Variants in TMEM131L observed in about 807,000 individuals in gnomAD.
The protein encoded by TMEM131L is transmembrane 131 like, also known as transmembrane protein 131-like.
Under a neutral mutation model 192.2 loss-of-function variants are expected in TMEM131L, and 54 were observed. The ratio of observed to expected loss-of-function variants is 0.28; its 90% CI spans 0.23 to 0.35. The LOEUF (loss-of-function observed/expected upper bound fraction) is 0.35. Among genes scored for constraint, TMEM131L ranks in the 10% least tolerant of loss-of-function variants. The probability of loss-of-function intolerance (pLI) is 1.00; values close to 1 mark genes in which losing one functional copy is unlikely to be tolerated. For synonymous variants in TMEM131L, 701 were observed against 704.9 expected (o/e 0.99, Z 0.09); for missense variants, 1,888 against 1,972.9 (o/e 0.96, Z 0.82).
intron 3 of TMEM131L, among the ~76,000 whole-genome samples, chr4:153,483,438 A>G (rs1233244716): frequency 6.7e-6 from 1 of 149,032 alleles, no homozygotes; most frequent in Non-Finnish European, 1.5e-5. Context: ...GTGGTGGCTC[A>G]TGCCTCTAGC....
intron 34 of TMEM131L, 25 bp downstream of exon 34, chr4:153,635,596 T>G: frequency 6.2e-7 from 1 of 1,613,290 alleles, no homozygotes; most frequent in Non-Finnish European, 8.5e-7. Flanking sequence ...TCCTGTGCCG[T>G]GAACCCCTGG....
intron 3 of TMEM131L, among the ~76,000 whole-genome samples, chr4:153,517,456 A>G (rs1418852764): frequency 6.6e-6 from 1 of 151,926 alleles, no homozygotes; most frequent in Non-Finnish European, 1.5e-5. Context: ...CTTCAGAAGT[A>G]ATATATAGTG....
intron 4 of TMEM131L, among the ~76,000 whole-genome samples, chr4:153,551,425 T>G (rs114278792): frequency 0.052 from 7,939 of 151,892 alleles, 583 homozygotes; most frequent in African/African-American, 0.16. Flanking sequence ...GGGCACAGTG[T>G]CGGCTCACTG....
chr4:153,477,715 A>T (rs1731649097), intron 3 of TMEM131L, among the ~76,000 whole-genome samples: 1 of 152,204 alleles, frequency 6.6e-6, no homozygotes, highest in South Asian at 2.1e-4. Flanking sequence ...TTAAAGTTTC[A>T]GAAAATAGTA....
intron 3 of TMEM131L, among the ~76,000 whole-genome samples, chr4:153,549,469 G>A (rs531491555): frequency 6.6e-6 from 1 of 152,032 alleles, no homozygotes; most frequent in South Asian, 2.1e-4. Flanking sequence ...CTTTATTATG[G>A]TTTTCTTTTA....
intron 7 of TMEM131L, among the ~76,000 whole-genome samples, chr4:153,562,103 T>A (rs2150522083): frequency 6.6e-6 from 1 of 151,928 alleles, no homozygotes; most frequent in Non-Finnish European, 1.5e-5. Flanking sequence ...AGTGGTGCGA[T>A]CTCAGCTCAC....
In TMEM131L at chr4:153,621,900, T is replaced by G. The variant is rs1240953430; in HGVS notation, c.3859+51T>G. The G allele has an allele frequency of 2.5e-6, 4 of 1,569,330 alleles. No homozygotes were observed. In the African/African-American group the frequency reaches 5.4e-5, roughly 21 times the overall value. On this transcript the variant is annotated intron_variant, in intron 28 of 34. Coordinates refer to ENST00000409959, the MANE Select transcript of TMEM131L (RefSeq NM_001131007.2). Reference sequence around the variant, plus strand: ...TGGTGCTTCTGTGGGAATTTTTGTTTCCTCAATGAAGTATCTAATAAGAGA... The same window carrying G: ...TGGTGCTTCTGTGGGAATTTTTGTTGCCTCAATGAAGTATCTAATAAGAGA...
At chr4:153,493,689 C>T (rs188320061) in intron 3 of TMEM131L, among the ~76,000 whole-genome samples, 34 of 152,102 alleles carry the variant, frequency 2.2e-4, no homozygotes, top group African/African-American at 6.0e-4. Context: ...GGAGCCAGAC[C>T]GTCTGGGTTT....
At chr4:153,585,745 A>G in intron 13 of TMEM131L, 134 bp downstream of exon 13, 1 of 538,738 alleles carries the variant, frequency 1.9e-6, no homozygotes, top group Non-Finnish European at 2.8e-6. Flanking sequence ...ATAAAATTTT[A>G]TGATTTTTAA....
Position 153,472,358 on chromosome 4 carries a change from A to T in TMEM131L, c.196-1487A>T, listed in dbSNP as rs568848001. Among the ~76,000 whole-genome samples, 18 of 152,282 alleles carry T rather than the reference A, an allele frequency of 1.2e-4. No individual in the cohort carries two copies. The South Asian group carries it at 3.5e-3, about 30-fold the overall frequency. ...TATGGTGGTAAAGTTTCTGTGTCTG[A>T]GGGGAAAGCATGTCATGTTCTATTT... On this transcript the variant is annotated intron_variant, in intron 2 of 34. Transcript: ENST00000409959.
At chr4:153,518,535 C>T (rs1349368884) in intron 3 of TMEM131L, among the ~76,000 whole-genome samples, 1 of 140,392 alleles carries the variant, frequency 7.1e-6, no homozygotes, top group Non-Finnish European at 1.5e-5. Flanking sequence ...CACAAAATCA[C>T]TGGAGAGAAA....
chr4:153,498,493 T>G (rs986082977), intron 3 of TMEM131L, among the ~76,000 whole-genome samples: 7 of 152,210 alleles, frequency 4.6e-5, no homozygotes, highest in Admixed American at 2.0e-4. Context: ...GGCTGCACAT[T>G]CTTTAGATAC....
chr4:153,618,706 T>TA (rs200361411), intron 26 of TMEM131L, among the ~76,000 whole-genome samples: 2,958 of 152,248 alleles, frequency 0.019, 88 homozygotes, highest in Admixed American at 0.082. Context: ...GCCTCCGAGA[T>TA]ATACTCCTAA....
At chr4:153,592,364 T>C (rs777115363) in intron 17 of TMEM131L, 111 bp from the exon 18 acceptor site, 7 of 697,456 alleles carry the variant, frequency 1.0e-5, no homozygotes, top group East Asian at 2.7e-5. Flanking sequence ...TGTTTCTTGA[T>C]TGGAGTTACA....
chr4:153,553,714 G>A (rs999577965), intron 4 of TMEM131L, among the ~76,000 whole-genome samples: 13 of 152,112 alleles, frequency 8.5e-5, no homozygotes, highest in Non-Finnish European at 4.4e-5. Context: ...TCGGGATCTT[G>A]TTACTCGGTT....
At chr4:153,605,035 T>C (rs2126427170) in intron 25 of TMEM131L, among the ~76,000 whole-genome samples, 1 of 152,284 alleles carries the variant, frequency 6.6e-6, no homozygotes, top group Non-Finnish European at 1.5e-5. Flanking sequence ...ATTTTCAGAC[T>C]ATCTGTAAAA....
At chr4:153,627,573 G>A (rs774605847) in intron 30 of TMEM131L, 32 bp from the exon 31 acceptor site, 1 of 1,546,258 alleles carries the variant, frequency 6.5e-7, no homozygotes, top group Non-Finnish European at 8.9e-7. Flanking sequence ...CAGAAAAAAT[G>A]AGTCGTTCCT....
intron 3 of TMEM131L, among the ~76,000 whole-genome samples, chr4:153,536,221 A>T (rs528331787): frequency 6.6e-6 from 1 of 152,280 alleles, no homozygotes; most frequent in Admixed American, 6.5e-5. Flanking sequence ...GATGGGGCAG[A>T]GGGAGTGAGG....
intron 16 of TMEM131L, among the ~76,000 whole-genome samples, chr4:153,590,198 A>T (rs145087342): frequency 1.3e-5 from 2 of 152,152 alleles, no homozygotes; most frequent in South Asian, 4.1e-4. Context: ...TAGTGTTCCT[A>T]CCTTTCATCA....
Sources: gnomAD v4.1 joint callset for allele counts (sites outside exome capture counted in the v4.1 genomes callset) on GRCh38, gnomAD v4.1.1 for gene constraint, MANE v1.5 for transcripts, NCBI Gene and HGNC (gene_info 2026-07-23, HGNC 2026-07-21) for gene names.